The following PDGFD variants were observed in gnomAD, a reference collection of about 807,000 sequenced individuals.
PDGFD encodes platelet-derived growth factor D.
A neutral mutation model predicts 44.7 loss-of-function variants in PDGFD; 30 were observed. The observed-to-expected ratio is 0.67, with a 90% CI of 0.50 to 0.91. PDGFD has a LOEUF of 0.91. Among genes scored for constraint, PDGFD ranks in the 40% least tolerant of loss-of-function variants. The pLI is 0.00. For synonymous variants in PDGFD, 173 were observed against 168.4 expected, an observed-to-expected ratio of 1.03 and a Z score of -0.21; for missense variants, 445 against 457.8, an observed-to-expected ratio of 0.97 and a Z score of 0.25.
intron 1 of PDGFD, among the ~76,000 whole-genome samples, chr11:104,116,515 T>C (rs1382646134): frequency 3.3e-5 from 5 of 150,494 alleles, no homozygotes; most frequent in Non-Finnish European, 3.0e-5. Flanking sequence ...AAAGAGGAAA[T>C]CCTCCCTAAG....
At chr11:103,931,214 C>T (rs901781) in intron 5 of PDGFD, among the ~76,000 whole-genome samples, 77,757 of 152,010 alleles carry the variant, frequency 0.51, 22,302 homozygotes, top group African/African-American at 0.79. Flanking sequence ...TACAAGTTAC[C>T]TGTTCTGGTG....
chr11:104,128,786 AATAATGCACATTG>A (rs1363126683), intron 1 of PDGFD, among the ~76,000 whole-genome samples: 9 of 152,192 alleles, frequency 5.9e-5, no homozygotes, highest in African/African-American at 2.2e-4. Flanking sequence ...GATTAAATGA[AATAATGCACATTG>A]ATAATGCACA....
intron 1 of PDGFD, among the ~76,000 whole-genome samples, chr11:104,126,546 T>C (rs1025328433): frequency 3.9e-5 from 6 of 152,208 alleles, no homozygotes; most frequent in Admixed American, 3.9e-4. Context: ...ACTTACTATG[T>C]GCTAGGCATT....
At chr11:104,037,190 A>G (rs1860259992) in intron 1 of PDGFD, 2 of 1,613,594 alleles carry the variant, frequency 1.2e-6, no homozygotes, top group Non-Finnish European at 1.7e-6. Flanking sequence ...CCCGCTGCCC[A>G]GCGGTCACAG....
At chr11:103,921,020 T>G (rs1858207573) in intron 6 of PDGFD, among the ~76,000 whole-genome samples, 1 of 152,176 alleles carries the variant, frequency 6.6e-6, no homozygotes, top group Admixed American at 6.5e-5. Flanking sequence ...TGAGGAAACC[T>G]GAGGCCCTGG....
intron 1 of PDGFD, among the ~76,000 whole-genome samples, chr11:104,088,972 G>T (rs1030701888): frequency 1.3e-5 from 2 of 151,644 alleles, no homozygotes; most frequent in Non-Finnish European, 2.9e-5. Context: ...GAAAACAAAA[G>T]AATTATACTG....
chr11:104,084,735 A>G (rs891596027), intron 1 of PDGFD, among the ~76,000 whole-genome samples: 6 of 129,356 alleles, frequency 4.6e-5, no homozygotes, highest in African/African-American at 2.3e-4. Flanking sequence ...TAATACAGAT[A>G]TATGTAATAT....
rs186223847 is a variant in PDGFD, at chr11:104,073,037, T to C, written c.125-72782A>G. 1.4e-4 allele frequency among the ~76,000 whole-genome samples: 21 copies of C among 152,198 alleles called. 1 individual carries two copies. The highest frequency in any genetic ancestry group is 9.2e-4 in the Admixed American group (14 of 15,288). On this transcript the variant is annotated intron_variant, in intron 1 of 6. Transcript: ENST00000393158. ...AAATATGTATAGAAAAATCACAACA[T>C]TGGCTTTTACAAACATTTGTACATT...
chr11:104,077,228 C>T (rs1307099761), intron 1 of PDGFD, among the ~76,000 whole-genome samples: 2 of 148,138 alleles, frequency 1.4e-5, no homozygotes, highest in Admixed American at 6.7e-5. Flanking sequence ...TGTGAAAAAG[C>T]ACTCACAATA....
At chr11:103,920,399 A>T (rs202031707) in intron 6 of PDGFD, among the ~76,000 whole-genome samples, 6 of 152,264 alleles carry the variant, frequency 3.9e-5, no homozygotes, top group African/African-American at 1.4e-4. Flanking sequence ...CCAATTGCAG[A>T]AAACATAATG....
In PDGFD at chr11:104,086,375, T is replaced by C. The variant is rs535857807; in HGVS notation, c.124+77429A>G. ...AAAAGAAGAAAGTGTGTGCATTTAA[T>C]GGGACATACAAGTTTTTTTTCCCCA... On this transcript the variant is annotated intron_variant, in intron 1 of 6. Transcript: ENST00000393158. Among the ~76,000 whole-genome samples the C allele has an allele frequency of 1.0e-3, 156 of 152,342 alleles. 2 individuals are homozygous for C. In the South Asian group the frequency reaches 0.031, roughly 30 times the overall value.
intron 1 of PDGFD, among the ~76,000 whole-genome samples, chr11:104,054,487 T>C (rs1467707280): frequency 1.3e-5 from 2 of 151,766 alleles, no homozygotes; most frequent in African/African-American, 4.8e-5. Flanking sequence ...ATGTGGGAAA[T>C]GGGTAAGAAA....
intron 3 of PDGFD, among the ~76,000 whole-genome samples, chr11:103,956,489 C>A (rs1443203981): frequency 8.6e-6 from 1 of 116,692 alleles, no homozygotes; most frequent in East Asian, 2.7e-4. Context: ...GGTTCCAAGT[C>A]TTTGCTATTG....
intron 1 of PDGFD, among the ~76,000 whole-genome samples, chr11:104,051,175 C>A (rs753653741): frequency 9.9e-5 from 15 of 152,072 alleles, no homozygotes; most frequent in African/African-American, 3.6e-4. Context: ...ATGCTGTCAG[C>A]GATAACACTC....
chr11:104,088,192 C>A (rs887856726), intron 1 of PDGFD, among the ~76,000 whole-genome samples: 1 of 152,214 alleles, frequency 6.6e-6, no homozygotes, highest in Non-Finnish European at 1.5e-5. Context: ...TGCACTAGCA[C>A]AAGCCCTTGT....
chr11:104,079,632 C>G (rs1032181616), intron 1 of PDGFD, among the ~76,000 whole-genome samples: 1 of 152,182 alleles, frequency 6.6e-6, no homozygotes, highest in Non-Finnish European at 1.5e-5. Context: ...CATTATCCAC[C>G]TGCCTCAGCC....
At chr11:103,994,881 CTTTTT>C (rs35702032) in intron 3 of PDGFD, among the ~76,000 whole-genome samples, 3 of 136,410 alleles carry the variant, frequency 2.2e-5, no homozygotes, top group Non-Finnish European at 1.6e-5. Context: ...GTTGCTATTC[CTTTTT>C]TTTTTTTTTT....
Position 103,909,532 on chromosome 11 carries a change from G to C in PDGFD, c.*162C>G, listed in dbSNP as rs1857994737. On this transcript the variant is annotated 3_prime_UTR_variant, in exon 7 of 7. Transcript: ENST00000393158. ...AAGTTGATGATATACCTTTCTACTT[G>C]CCATGGCATTAACAAAGCAAGGCTG... 5.1e-6 allele frequency: 4 copies of C among 788,174 alleles called. No individual in the cohort carries two copies. The Admixed American group carries it at 6.9e-5, about 14-fold the overall frequency. The allele number at this position is 788,174 out of a possible 1,614,324, so 48.8% of individuals were successfully genotyped here. A position where few individuals can be genotyped will look rare whatever the true frequency, so the allele number is the denominator to read the frequency against.
intron 1 of PDGFD, among the ~76,000 whole-genome samples, chr11:104,095,433 G>T (rs1861270799): frequency 6.6e-6 from 1 of 151,946 alleles, no homozygotes; most frequent in African/African-American, 2.4e-5. Context: ...CCCTAATCTG[G>T]GTTCCATAAG....
Sources: allele counts gnomAD v4.1 joint callset (sites outside exome capture counted in the v4.1 genomes callset), GRCh38; gene constraint gnomAD v4.1.1; transcripts MANE v1.5; gene names NCBI Gene and HGNC (gene_info 2026-07-23, HGNC 2026-07-21).